The following SCTR variants were observed in gnomAD, a reference collection of about 807,000 sequenced individuals.
The protein encoded by SCTR is pancreatic secretin receptor.
In SCTR, 56 loss-of-function variants were observed where a neutral mutation model predicts 60.8. The ratio of observed to expected loss-of-function variants is 0.92; its 90% CI spans 0.74 to 1.15. SCTR has a LOEUF of 1.15. Among genes scored for constraint, SCTR ranks in the 50% most tolerant of loss-of-function variants. The pLI is 0.00. For missense variants in SCTR, 562 were observed against 550.4 expected, an observed-to-expected ratio of 1.02 and a Z score of -0.21; for synonymous variants, 202 against 217.0, an observed-to-expected ratio of 0.93 and a Z score of 0.61.
intron 1 of SCTR, among the ~76,000 whole-genome samples, chr2:119,514,692 A>G (rs1679057924): frequency 6.6e-6 from 1 of 152,092 alleles, no homozygotes. Flanking sequence ...CCTGACCAAC[A>G]TGGAGAAACC....
At chr2:119,488,385 T>C (rs1489832013) in intron 2 of SCTR, among the ~76,000 whole-genome samples, 3 of 152,120 alleles carry the variant, frequency 2.0e-5, no homozygotes, top group African/African-American at 7.2e-5. Context: ...AGGGGTATGG[T>C]CAGGGCTTGC....
chr2:119,506,100 G>T (rs1057141501), intron 1 of SCTR, among the ~76,000 whole-genome samples: 1 of 152,186 alleles, frequency 6.6e-6, no homozygotes, highest in Non-Finnish European at 1.5e-5. Flanking sequence ...AAACAGGTTG[G>T]CAGTGTCTTG....
chr2:119,494,250 C>G (rs988911855), intron 2 of SCTR, among the ~76,000 whole-genome samples, 178 bp downstream of exon 2: 1 of 152,140 alleles, frequency 6.6e-6, no homozygotes, highest in Non-Finnish European at 1.5e-5. Flanking sequence ...GCTTTGGGGT[C>G]CATGCGATCT....
chr2:119,458,315 A>C (rs1293780873), intron 7 of SCTR, among the ~76,000 whole-genome samples: 2 of 143,518 alleles, frequency 1.4e-5, no homozygotes, highest in Non-Finnish European at 3.1e-5. Flanking sequence ...TGAAAAAAAA[A>C]AAAAAGCCGG....
chr2:119,456,441 A>T (rs750855031), intron 7 of SCTR, among the ~76,000 whole-genome samples: 7 of 152,144 alleles, frequency 4.6e-5, no homozygotes, highest in African/African-American at 9.7e-5. Flanking sequence ...GGATTAAAAA[A>T]ATGTTCCTTT....
At chr2:119,516,744 G>A (rs1162968971) in intron 1 of SCTR, among the ~76,000 whole-genome samples, 3 of 152,190 alleles carry the variant, frequency 2.0e-5, no homozygotes, top group South Asian at 4.1e-4. Context: ...CTGATCACCT[G>A]AGGTCGGAAG....
chr2:119,481,246 G>T (rs930131252), intron 2 of SCTR, among the ~76,000 whole-genome samples: 11 of 152,226 alleles, frequency 7.2e-5, no homozygotes, highest in African/African-American at 2.4e-4. Context: ...TAAGGAGCAA[G>T]AACCTGTTTT....
intron 1 of SCTR, among the ~76,000 whole-genome samples, chr2:119,522,017 G>C (rs576734370): frequency 2.0e-5 from 3 of 152,190 alleles, no homozygotes; most frequent in Admixed American, 6.5e-5. Flanking sequence ...AGGGACCGCC[G>C]GGCGCGGTGG....
chr2:119,442,091 C>T (rs1048163859), intron 11 of SCTR, among the ~76,000 whole-genome samples: 22 of 152,222 alleles, frequency 1.4e-4, no homozygotes, highest in African/African-American at 5.3e-4. Context: ...GTACAGGTCC[C>T]GGCCAGCCAG....
chr2:119,494,915 G>GT (rs1162500129), intron 1 of SCTR, among the ~76,000 whole-genome samples: 2 of 152,118 alleles, frequency 1.3e-5, no homozygotes, highest in African/African-American at 4.8e-5. Flanking sequence ...AAAGCTTAGT[G>GT]TTTTTTGTTT....
In SCTR at chr2:119,478,722, G is replaced by T. The variant is rs1324324028; in HGVS notation, c.301+89C>A. 5 of 1,186,954 alleles carry T rather than the reference G, an allele frequency of 4.2e-6. No individual in the cohort carries two copies. In the East Asian group the frequency reaches 9.7e-5, roughly 23 times the overall value. The allele number at this position is 1,186,954 out of a possible 1,614,324, so 73.5% of individuals were successfully genotyped here. A position where few individuals can be genotyped will look rare whatever the true frequency, so the allele number is the denominator to read the frequency against. On this transcript the variant is annotated intron_variant, in intron 3 of 12. Transcript: ENST00000019103. ...GTACCCATACTTGTCCTCAGAGAAG[G>T]TTCCTTGGCCTCCTGCCTCTAAGCT... is the stretch of plus-strand genomic sequence containing the variant.
intron 2 of SCTR, among the ~76,000 whole-genome samples, chr2:119,494,053 G>C (rs1343222206): frequency 1.3e-5 from 2 of 152,170 alleles, no homozygotes; most frequent in Admixed American, 1.3e-4. Context: ...GTGGACCCAG[G>C]CTGCCTTTCC....
Position 119,473,575 on chromosome 2 carries a change from C to T in SCTR, c.302-19G>A, listed in dbSNP as rs1677124018. Reference sequence around the variant, plus strand: ...AAGGAACCTGTGGGTGCCAAGAGTCCTGTAGGTGAGCCATGGGCCCAGGCA... The same window carrying T: ...AAGGAACCTGTGGGTGCCAAGAGTCTTGTAGGTGAGCCATGGGCCCAGGCA... On this transcript the variant is annotated intron_variant, in intron 3 of 12. Transcript: ENST00000019103. 6.5e-7 allele frequency: 1 copy of T among 1,547,360 alleles called. No individual in the cohort carries two copies. The highest frequency in any genetic ancestry group is 1.4e-5 in the African/African-American group (1 of 73,366).
At chr2:119,447,633 G>A (rs570074377) in intron 10 of SCTR, among the ~76,000 whole-genome samples, 5 of 152,266 alleles carry the variant, frequency 3.3e-5, no homozygotes, top group East Asian at 3.9e-4. Flanking sequence ...GTGCAGTGGC[G>A]CAATCGCGGC....
At chr2:119,504,392 A>C (rs1483455913) in intron 1 of SCTR, among the ~76,000 whole-genome samples, 4 of 152,120 alleles carry the variant, frequency 2.6e-5, no homozygotes. Context: ...CGGGAGTTCG[A>C]GATCAGCCTG....
chr2:119,461,866 TCCCTG>T lies in SCTR; in HGVS notation c.766_770del (p.Gln256IlefsTer52). On this transcript the variant is annotated frameshift_variant, in exon 7 of 13. Transcript: ENST00000019103. LOFTEE classifies it high-confidence loss of function. Reference sequence around the variant, plus strand: ...ACATACCCCATCCGAATGCCACAAATCCCTGGAGGTACTTTCTTTCAGAGAAGAAG... The same window carrying T: ...ACATACCCCATCCGAATGCCACAAATGAGGTACTTTCTTTCAGAGAAGAAG... The T allele has an allele frequency of 6.2e-7, 1 of 1,613,568 alleles. No individual in the cohort carries two copies. Among genetic ancestry groups the T allele is most frequent in the Non-Finnish European group, 8.5e-7 (1 of 1,179,790 alleles).
intron 2 of SCTR, among the ~76,000 whole-genome samples, chr2:119,491,263 C>T (rs1678114672): frequency 6.6e-6 from 1 of 152,176 alleles, no homozygotes; most frequent in Non-Finnish European, 1.5e-5. Context: ...AAGGCTTTTG[C>T]TTCTCTTAGG....
At chr2:119,479,410 G>A (rs1677496224) in intron 2 of SCTR, 1 of 286,328 alleles carries the variant, frequency 3.5e-6, no homozygotes, top group African/African-American at 2.3e-5. Context: ...TCCTTTGAAA[G>A]CCTTACAGGT....
At position 119,524,310 on chromosome 2, in the gene SCTR, G is replaced by T. The variant is rs561562805; in HGVS notation, c.-84C>A. On this transcript the variant is annotated 5_prime_UTR_variant, in exon 1 of 13. Coordinates refer to ENST00000019103, the MANE Select transcript of SCTR (RefSeq NM_002980.3). ...CTCGGGAGCTCAGCGCCCCGCGCAG[G>T]GTCCCGGGCTCCGGCCGGCCGCTGC... The T allele has an allele frequency of 8.1e-4, 755 of 935,982 alleles. 11 individuals are homozygous for T. In the African/African-American group the frequency reaches 0.012, roughly 15 times the overall value. 58.0% of individuals were successfully genotyped at this position (935,982 alleles called of 1,614,324 possible). A position where few individuals can be genotyped will look rare whatever the true frequency, so the allele number is the denominator to read the frequency against.
Sources: gnomAD v4.1 joint callset for allele counts (sites outside exome capture counted in the v4.1 genomes callset) on GRCh38, gnomAD v4.1.1 for gene constraint, MANE v1.5 for transcripts, NCBI Gene and HGNC (gene_info 2026-07-23, HGNC 2026-07-21) for gene names.